Variants in PTPRN2 observed in about 807,000 individuals in gnomAD.
PTPRN2 encodes the protein protein tyrosine phosphatase receptor type N2, also known as receptor-type tyrosine-protein phosphatase N2.
Under a neutral mutation model 118.8 loss-of-function variants are expected in PTPRN2, and 74 were observed. The observed-to-expected ratio is 0.62, with a 90% CI of 0.52 to 0.76. The LOEUF (loss-of-function observed/expected upper bound fraction) is 0.76, where lower values mean the gene tolerates loss of function less well. Among genes scored for constraint, PTPRN2 ranks in the 30% least tolerant of loss-of-function variants. PTPRN2 has a pLI of 0.00. For missense variants in PTPRN2, 1,481 were observed against 1,394.4 expected (o/e 1.06, Z -0.99); for synonymous variants, 641 against 608.0 (o/e 1.05, Z -0.80).
intron 12 of PTPRN2, among the ~76,000 whole-genome samples, chr7:157,872,177 C>A (rs1360172708): frequency 9.2e-5 from 13 of 141,714 alleles, no homozygotes; most frequent in Non-Finnish European, 2.0e-4. Context: ...CACACACATA[C>A]CCAGCGCCTC....
At chr7:158,340,890 G>T (rs1333110580) in intron 2 of PTPRN2, among the ~76,000 whole-genome samples, 1 of 84,640 alleles carries the variant, frequency 1.2e-5, no homozygotes, top group Non-Finnish European at 2.5e-5. Context: ...CTCACCATAA[G>T]AGCTGACACC....
intron 2 of PTPRN2, among the ~76,000 whole-genome samples, chr7:158,359,280 T>A (rs1251425368): frequency 1.3e-5 from 2 of 152,220 alleles, no homozygotes; most frequent in Admixed American, 1.3e-4. Flanking sequence ...GGCTTCTGAT[T>A]TGAACAGGAT....
intron 11 of PTPRN2, among the ~76,000 whole-genome samples, chr7:158,071,681 C>CATG (rs1563392807): frequency 3.9e-4 from 32 of 82,272 alleles, no homozygotes; most frequent in Non-Finnish European, 6.2e-4. Flanking sequence ...TGGAGGTGCT[C>CATG]CTGGTGGAGG....
At chr7:158,325,061 C>T (rs1480562827) in intron 2 of PTPRN2, among the ~76,000 whole-genome samples, 4 of 152,234 alleles carry the variant, frequency 2.6e-5, no homozygotes, top group African/African-American at 9.6e-5. Context: ...CCACAATTAT[C>T]CACAGAGATC....
chr7:157,591,967 G>A lies in PTPRN2; in HGVS notation c.2496+3271C>T, dbSNP rs759603913. ...GAGGCTCTGCTCGGCTGGCATGCTC[G>A]AGAACATCCTGGGAGGGCTGAGGCT... On this transcript the variant is annotated intron_variant, in intron 17 of 22. Coordinates refer to ENST00000389418, the MANE Select transcript of PTPRN2 (RefSeq NM_002847.5). The surrounding 1 kb of genome is among the most constrained non-coding windows in gnomAD (Gnocchi z 4.4). Among the ~76,000 whole-genome samples the A allele has an allele frequency of 6.6e-6, 1 of 152,162 alleles. No individual in the cohort carries two copies. Among genetic ancestry groups the A allele is most frequent in the African/African-American group, 2.4e-5 (1 of 41,426 alleles).
At chr7:158,092,232 A>G (rs1020353721) in intron 10 of PTPRN2, among the ~76,000 whole-genome samples, 4 of 150,452 alleles carry the variant, frequency 2.7e-5, no homozygotes, top group Admixed American at 2.0e-4. Flanking sequence ...ACATATATGT[A>G]TATATATGCA....
chr7:158,274,327 G>T (rs1319120748), intron 3 of PTPRN2, among the ~76,000 whole-genome samples: 1 of 86,502 alleles, frequency 1.2e-5, no homozygotes, highest in Non-Finnish European at 2.3e-5. Flanking sequence ...AGCCACAGGG[G>T]GAGCCGCAGA....
In PTPRN2 at chr7:157,831,892, G is replaced by T. The variant is rs1233354367; in HGVS notation, c.1788+66781C>A. Among the ~76,000 whole-genome samples, 1 of 152,202 alleles carries T rather than the reference G, an allele frequency of 6.6e-6. No individual in the cohort carries two copies. The highest frequency in any genetic ancestry group is 1.5e-5 in the Non-Finnish European group (1 of 68,044). ...TAATTCATAGCCATCCTTAAGCTGG[G>T]GGAGGGCAGTTATGGAGCTCCAGAG... On this transcript the variant is annotated intron_variant, in intron 12 of 22. Transcript: ENST00000389418. This position sits in a 1 kb window ranked among gnomAD's most constrained non-coding sequence, Gnocchi z 4.8.
chr7:158,008,478 G>T (rs1226096125), intron 11 of PTPRN2, among the ~76,000 whole-genome samples: 1 of 152,226 alleles, frequency 6.6e-6, no homozygotes, highest in Non-Finnish European at 1.5e-5. Flanking sequence ...CGCGCGTGGT[G>T]GCGGCTTACA....
intron 2 of PTPRN2, among the ~76,000 whole-genome samples, chr7:158,475,693 G>C (rs1443804021): frequency 6.6e-6 from 1 of 152,158 alleles, no homozygotes; most frequent in Non-Finnish European, 1.5e-5. Context: ...GGCCTGTGGG[G>C]TCAAGCAGCT....
rs139001071 is a variant in PTPRN2, at chr7:157,557,552, C to CCCCA, written c.2903-8534_2903-8533insTGGG. 6.8e-4 allele frequency among the ~76,000 whole-genome samples: 102 copies of CCCCA among 149,730 alleles called. 1 individual carries two copies. The highest frequency in any genetic ancestry group is 2.2e-3 in the African/African-American group (89 of 40,672). The stretch of plus-strand genomic sequence containing the variant: ...ACACCCACACCCATCACACACACTC[C>CCCCA]CACACACACACACACACACACTCTC... On this transcript the variant is annotated intron_variant, in intron 21 of 22. Coordinates refer to ENST00000389418, the MANE Select transcript of PTPRN2 (RefSeq NM_002847.5).
intron 11 of PTPRN2, among the ~76,000 whole-genome samples, chr7:157,910,304 C>T (rs899276860): frequency 2.0e-5 from 3 of 148,684 alleles, no homozygotes; most frequent in Non-Finnish European, 4.5e-5. Flanking sequence ...CGCACGTACG[C>T]CGTGGGGACG....
At chr7:158,389,651 ATTCTAGACTCAGCCACCAGCC>A (rs1811771443) in intron 2 of PTPRN2, among the ~76,000 whole-genome samples, 1 of 152,390 alleles carries the variant, frequency 6.6e-6, no homozygotes, top group African/African-American at 2.4e-5. Context: ...CACAAATGCA[ATTCTAGACTCAGCCACCAGCC>A]TGGCTGCTGG....
At chr7:158,010,750 T>A (rs552299799) in intron 11 of PTPRN2, among the ~76,000 whole-genome samples, 3 of 152,260 alleles carry the variant, frequency 2.0e-5, no homozygotes, top group African/African-American at 7.2e-5. Context: ...TAAAAAAGTA[T>A]TGTTTATTTC....
intron 5 of PTPRN2, among the ~76,000 whole-genome samples, chr7:158,171,061 ATACACAT>A (rs1212024053): frequency 1.7e-4 from 9 of 51,444 alleles, no homozygotes; most frequent in African/African-American, 1.5e-3. Flanking sequence ...ATACACATAT[ATACACAT>A]TATATACACA....
chr7:158,007,292 G>T (rs1292731734), intron 11 of PTPRN2, among the ~76,000 whole-genome samples: 3 of 152,238 alleles, frequency 2.0e-5, no homozygotes, highest in Admixed American at 2.0e-4. Context: ...GCAGTGCGGG[G>T]TGTGGCTGGT....
chr7:158,577,098 G>A (rs1477223403), intron 1 of PTPRN2, among the ~76,000 whole-genome samples: 5 of 141,264 alleles, frequency 3.5e-5, no homozygotes, highest in Non-Finnish European at 6.1e-5. Flanking sequence ...AGACAGCATG[G>A]GGCCTACACA....
chr7:158,136,573 C>A, intron 8 of PTPRN2, 82 bp downstream of exon 8: 1 of 1,407,098 alleles, frequency 7.1e-7, no homozygotes, highest in Admixed American at 1.9e-5. Flanking sequence ...TTTTGTATTT[C>A]ATAAATGTTC....
intron 12 of PTPRN2, chr7:157,854,450 T>C (rs1240744253): frequency 2.0e-5 from 3 of 152,300 alleles, no homozygotes; most frequent in African/African-American, 7.2e-5. Context: ...AGGCCCAGGG[T>C]TGAACCCAAG....
Sources: allele counts gnomAD v4.1 joint callset (sites outside exome capture counted in the v4.1 genomes callset), GRCh38; gene constraint gnomAD v4.1.1; non-coding constraint Gnocchi (gnomAD v3.1); transcripts MANE v1.5; gene names NCBI Gene and HGNC (gene_info 2026-07-23, HGNC 2026-07-21).